Variants in RXFP1 observed in about 807,000 individuals in gnomAD.
The protein encoded by RXFP1 is relaxin family peptide receptor 1, also known as relaxin receptor 1.
RXFP1 carries 73 observed loss-of-function variants against 89.8 expected under a neutral mutation model. The observed-to-expected ratio is 0.81, with a 90% CI of 0.67 to 0.99. The LOEUF is 0.99. RXFP1 is among the 50% of genes least tolerant of loss of function. The probability of loss-of-function intolerance (pLI) is 0.00; values close to 1 mark genes in which losing one functional copy is unlikely to be tolerated. For missense variants in RXFP1, 793 were observed against 895.5 expected, an observed-to-expected ratio of 0.89 and a Z score of 1.46; for synonymous variants, 277 against 305.5, an observed-to-expected ratio of 0.91 and a Z score of 0.97.
chr4:158,570,908 C>T (rs544691135), intron 1 of RXFP1, among the ~76,000 whole-genome samples: 3 of 152,228 alleles, frequency 2.0e-5, no homozygotes, highest in Admixed American at 1.3e-4. Flanking sequence ...CCCAGAGTTC[C>T]GTAATCCTCA....
intron 2 of RXFP1, among the ~76,000 whole-genome samples, chr4:158,580,863 T>C (rs1757216322): frequency 6.6e-6 from 1 of 152,228 alleles, no homozygotes; most frequent in Admixed American, 6.5e-5. Flanking sequence ...AATGGCGCGA[T>C]CTCAGCTCAC....
At chr4:158,589,275 T>G (rs1382726931) in intron 2 of RXFP1, among the ~76,000 whole-genome samples, 2 of 152,136 alleles carry the variant, frequency 1.3e-5, no homozygotes, top group African/African-American at 4.8e-5. Flanking sequence ...AAGGTGAGAT[T>G]TGAGTGGGAG....
intron 2 of RXFP1, among the ~76,000 whole-genome samples, chr4:158,590,939 A>G (rs1759326608): frequency 6.6e-6 from 1 of 152,204 alleles, no homozygotes; most frequent in Admixed American, 6.5e-5. Context: ...CAAGCCCAAG[A>G]TCAAGAAGCA....
At chr4:158,584,769 AT>A (rs1757985854) in intron 2 of RXFP1, among the ~76,000 whole-genome samples, 1 of 152,212 alleles carries the variant, frequency 6.6e-6, no homozygotes, top group Non-Finnish European at 1.5e-5. Flanking sequence ...TGCTAATCTA[AT>A]AAGTAGGAGT....
intron 2 of RXFP1, among the ~76,000 whole-genome samples, chr4:158,580,861 G>A (rs548015476): frequency 2.6e-5 from 4 of 152,208 alleles, no homozygotes; most frequent in South Asian, 2.1e-4. Context: ...GCAATGGCGC[G>A]ATCTCAGCTC....
chr4:158,576,641 A>G lies in RXFP1; in HGVS notation c.187+3806A>G, dbSNP rs114457339. On this transcript the variant is annotated intron_variant, in intron 2 of 17. Transcript: ENST00000307765. ...GAGATACATTAGAATCAAGTTTTCA[A>G]TATGGTACACAAGCATTCTAACTTG... Among the ~76,000 whole-genome samples the G allele has an allele frequency of 9.9e-3, 1,507 of 152,276 alleles. 27 individuals carry two copies. The highest frequency in any genetic ancestry group is 0.035 in the African/African-American group (1,436 of 41,550).
chr4:158,538,107 A>G (rs1166847832), intron 1 of RXFP1, among the ~76,000 whole-genome samples: 4 of 152,240 alleles, frequency 2.6e-5, no homozygotes, highest in Non-Finnish European at 4.4e-5. Flanking sequence ...GTGGAAAGAA[A>G]CCAAGTTGGT....
chr4:158,531,673 T>C (rs916254978), intron 1 of RXFP1, among the ~76,000 whole-genome samples: 5 of 152,210 alleles, frequency 3.3e-5, no homozygotes, highest in African/African-American at 1.2e-4. Flanking sequence ...TTAAATCTTA[T>C]GCCATCATTA....
chr4:158,610,251 T>C (rs887467653), intron 6 of RXFP1, among the ~76,000 whole-genome samples: 2 of 152,020 alleles, frequency 1.3e-5, no homozygotes, highest in South Asian at 2.1e-4. Flanking sequence ...GGCATCAGAG[T>C]GAGACTCCAT....
intron 2 of RXFP1, among the ~76,000 whole-genome samples, chr4:158,586,318 G>A (rs2150045365): frequency 6.6e-6 from 1 of 152,232 alleles, no homozygotes; most frequent in South Asian, 2.1e-4. Context: ...TATGTTTTTA[G>A]ACTTTATTTA....
chr4:158,594,019 T>C (rs757086004), intron 3 of RXFP1, among the ~76,000 whole-genome samples: 4 of 152,234 alleles, frequency 2.6e-5, no homozygotes, highest in Non-Finnish European at 5.9e-5. Flanking sequence ...TTAACTATAA[T>C]ATTTTAGATC....
At position 158,653,181 on chromosome 4, in the gene RXFP1, G is replaced by A. The variant is rs191545357; in HGVS notation, c.*1126G>A. The A allele has an allele frequency of 2.1e-4, 32 of 152,226 alleles. No homozygotes were observed. Among genetic ancestry groups the A allele is most frequent in the East Asian group, 1.9e-3 (10 of 5,186 alleles). The allele number at this position is 152,226 out of a possible 1,614,324, so 9.4% of individuals were successfully genotyped here. ...CTAGTTGTTCTTCTCTAGTCTCTACGTTATTAGAATTTTTTGCTTTCATAA... is the reference window on the plus strand; with the variant it reads ...CTAGTTGTTCTTCTCTAGTCTCTACATTATTAGAATTTTTTGCTTTCATAA... On this transcript the variant is annotated 3_prime_UTR_variant, in exon 18 of 18. Transcript: ENST00000307765.
chr4:158,525,405 C>T (rs1338269850), intron 1 of RXFP1, among the ~76,000 whole-genome samples: 1 of 152,078 alleles, frequency 6.6e-6, no homozygotes, highest in Non-Finnish European at 1.5e-5. Flanking sequence ...GTTTTTACTA[C>T]ATATTTTGAA....
In RXFP1 at chr4:158,559,753, C is replaced by A. The variant is rs73860523; in HGVS notation, c.50-12945C>A. The stretch of plus-strand genomic sequence containing the variant: ...AGAATTGCAGTTGTCTTTTCAATGG[C>A]AAATTGGTATCTTTACACAATTCTA... On this transcript the variant is annotated intron_variant, in intron 1 of 17. Coordinates refer to ENST00000307765, the MANE Select transcript of RXFP1 (RefSeq NM_021634.4). Among the ~76,000 whole-genome samples the A allele has an allele frequency of 3.8e-3, 586 of 152,282 alleles. 2 individuals are homozygous for A. Among genetic ancestry groups the A allele is most frequent in the African/African-American group, 0.013 (558 of 41,556 alleles).
chr4:158,651,379 T>A (rs1484160325), intron 17 of RXFP1, among the ~76,000 whole-genome samples: 1 of 152,216 alleles, frequency 6.6e-6, no homozygotes, highest in Non-Finnish European at 1.5e-5. Flanking sequence ...ATTAAAATAC[T>A]CAAAAAGTGT....
At chr4:158,574,373 G>A (rs372031014) in intron 2 of RXFP1, among the ~76,000 whole-genome samples, 1 of 151,874 alleles carries the variant, frequency 6.6e-6, no homozygotes, top group Non-Finnish European at 1.5e-5. Flanking sequence ...TGAACACCTG[G>A]CTTGAAAATC....
intron 1 of RXFP1, among the ~76,000 whole-genome samples, chr4:158,528,569 C>T (rs28624821): frequency 0.038 from 5,764 of 152,150 alleles, 325 homozygotes; most frequent in African/African-American, 0.13. Flanking sequence ...ATTAATATCT[C>T]CTCTCCAGTC....
intron 11 of RXFP1, among the ~76,000 whole-genome samples, 187 bp downstream of exon 11, chr4:158,628,896 T>A (rs1216928772): frequency 6.6e-6 from 1 of 150,658 alleles, no homozygotes. Flanking sequence ...AATAAAAATA[T>A]AAATATTTGA....
intron 1 of RXFP1, among the ~76,000 whole-genome samples, chr4:158,546,132 G>A (rs1404152398): frequency 6.6e-6 from 1 of 152,172 alleles, no homozygotes; most frequent in East Asian, 1.9e-4. Context: ...TCATTGAGCA[G>A]TGGTTTGTAG....
Sources: allele counts gnomAD v4.1 joint callset (sites outside exome capture counted in the v4.1 genomes callset), GRCh38; gene constraint gnomAD v4.1.1; transcripts MANE v1.5; gene names NCBI Gene and HGNC (gene_info 2026-07-23, HGNC 2026-07-21).